The following TMEM45B variants were observed in gnomAD, a reference collection of about 807,000 sequenced individuals.
The protein encoded by TMEM45B is transmembrane protein 45B.
In TMEM45B, 29 loss-of-function variants were observed where a neutral mutation model predicts 27.3. That is an observed-to-expected ratio of 1.06 (90% CI 0.79 to 1.45). The LOEUF is 1.45. TMEM45B is among the 40% of genes most tolerant of loss of function. The pLI is 0.00. For missense variants in TMEM45B, 348 were observed against 343.9 expected, an observed-to-expected ratio of 1.01 and a Z score of -0.09; for synonymous variants, 143 against 134.7, an observed-to-expected ratio of 1.06 and a Z score of -0.43.
intron 1 of TMEM45B, among the ~76,000 whole-genome samples, chr11:129,847,404 G>GTTATTTT (rs1947774673): frequency 6.8e-6 from 1 of 147,868 alleles, no homozygotes; most frequent in Admixed American, 6.7e-5. Context: ...AGCTTATGAA[G>GTTATTTT]TTATTTTTTT....
At chr11:129,827,590 G>A (rs1947500699) in intron 1 of TMEM45B, among the ~76,000 whole-genome samples, 1 of 152,068 alleles carries the variant, frequency 6.6e-6, no homozygotes, top group Admixed American at 6.6e-5. Context: ...GATCACGTGA[G>A]GTCGGGAGTT....
At chr11:129,851,640 C>T (rs1227863066) in intron 1 of TMEM45B, among the ~76,000 whole-genome samples, 1 of 151,470 alleles carries the variant, frequency 6.6e-6, no homozygotes, top group Non-Finnish European at 1.5e-5. Flanking sequence ...TCACCAACAA[C>T]TGGTATTTTT....
chr11:129,845,338 TGTGTGTG>T (rs1286024685), intron 1 of TMEM45B, among the ~76,000 whole-genome samples: 21 of 34,978 alleles, frequency 6.0e-4, no homozygotes, highest in African/African-American at 1.1e-3. Flanking sequence ...CTATTATAGA[TGTGTGTG>T]TGTGTGTGTG....
rs145339290 is a variant in TMEM45B, at chr11:129,852,560, G to A, written c.78G>A (p.Pro26=). ...GGCTGTGTTGGTCAGTGAAGTACCC[G>A]CTGAAGTACTTTAGCCACACGCGGA... ...IIGLCWSVKY[P]LKYFSHTRKN... The change falls in exon 2 of 6, where the codon CCG becomes CCA. Residue 26 remains proline, a synonymous_variant. Transcript: ENST00000281441. The A allele has an allele frequency of 2.6e-4, 423 of 1,613,784 alleles. No homozygotes were observed. The highest frequency in any genetic ancestry group is 3.3e-4 in the Non-Finnish European group (386 of 1,179,860).
At chr11:129,823,300 G>T (rs1341624749) in intron 1 of TMEM45B, among the ~76,000 whole-genome samples, 1 of 152,162 alleles carries the variant, frequency 6.6e-6, no homozygotes, top group African/African-American at 2.4e-5. Context: ...GAAAGTTTTA[G>T]ATCACGTGAA....
chr11:129,857,498 T>G (rs1947947556), intron 5 of TMEM45B, 40 bp downstream of exon 5: 2 of 1,610,766 alleles, frequency 1.2e-6, no homozygotes, highest in Admixed American at 1.7e-5. Context: ...CTCCTAACTC[T>G]AAGCAGGACT....
chr11:129,858,589 G>T lies in TMEM45B; in HGVS notation c.732G>T (p.Met244Ile). ...YSLVYCLLTR[M>I]KRHGRGEIIG... ...TCTATTAAAGCCTTTTGACTCGGAT[G>T]AAGAGACACGGAAGGGGAGAAATCA... Residue 244 changes from methionine (M) to isoleucine (I), a missense_variant, in exon 6 of 6, where the codon ATG becomes ATT. Met to Ile is a conservative substitution (Grantham distance 10). Coordinates refer to ENST00000281441, the MANE Select transcript of TMEM45B (RefSeq NM_138788.5). The T allele has an allele frequency of 6.3e-7, 1 of 1,586,246 alleles. No individual in the cohort carries two copies. The highest frequency in any genetic ancestry group is 8.6e-7 in the Non-Finnish European group (1 of 1,165,146).
Position 129,854,596 on chromosome 11 carries a change from T to C in TMEM45B, c.179-14T>C, listed in dbSNP as rs371055050. On this transcript the variant is annotated splice_polypyrimidine_tract_variant and intron_variant, in intron 2 of 5. Coordinates refer to ENST00000281441, the MANE Select transcript of TMEM45B (RefSeq NM_138788.5). ...ACTCTTCCCTCTAAAACATCCATCC[T>C]CATTTCCCTGCAGGGATCCTGGCAG... The C allele has an allele frequency of 1.9e-6, 3 of 1,613,498 alleles. No individual in the cohort carries two copies. In the African/African-American group the frequency reaches 4.0e-5, roughly 22 times the overall value.
chr11:129,840,946 TAAAAAAAAAAAA>T (rs55905045), intron 1 of TMEM45B, among the ~76,000 whole-genome samples: 1 of 29,260 alleles, frequency 3.4e-5, no homozygotes, highest in Non-Finnish European at 6.9e-5. Flanking sequence ...TTTCTTTCTG[TAAAAAAAAAAAA>T]AAAAAAAAAA....
rs968437933 is a variant in TMEM45B at position 129,852,479 on chromosome 11, C to T, written c.-4C>T. ...AGCCTTCCCCTAATTTTTTAGGTGT[C>T]CTGATGGCAAATTTCAAGGGCCACG... is the stretch of plus-strand genomic sequence containing the variant. On this transcript the variant is annotated 5_prime_UTR_variant, in exon 2 of 6. Transcript: ENST00000281441. 16 of 1,588,084 alleles carry T rather than the reference C, an allele frequency of 1.0e-5. No individual in the cohort carries two copies. In the East Asian group the frequency reaches 2.0e-4, roughly 20 times the overall value.
intron 1 of TMEM45B, among the ~76,000 whole-genome samples, chr11:129,829,272 T>C (rs1947521380): frequency 1.3e-5 from 2 of 152,220 alleles, no homozygotes; most frequent in African/African-American, 2.4e-5. Context: ...ATGTAGGAAA[T>C]AGAATGTACT....
chr11:129,858,427 TAAG>T (rs780208694), intron 5 of TMEM45B, 144 bp from the exon 6 acceptor site: 32 of 526,756 alleles, frequency 6.1e-5, no homozygotes, highest in Non-Finnish European at 9.0e-5. Context: ...GAATATTTCC[TAAG>T]AAGTCTAGTT....
At chr11:129,823,492 A>G (rs1254929459) in intron 1 of TMEM45B, among the ~76,000 whole-genome samples, 4 of 152,134 alleles carry the variant, frequency 2.6e-5, no homozygotes, top group Non-Finnish European at 4.4e-5. Context: ...CTGCAACTCC[A>G]TCTCCCAGAA....
At chr11:129,818,384 A>G (rs1947377663) in intron 1 of TMEM45B, among the ~76,000 whole-genome samples, 1 of 152,256 alleles carries the variant, frequency 6.6e-6, no homozygotes, top group African/African-American at 2.4e-5. Flanking sequence ...GGACTTAGAT[A>G]TCATAAGCCA....
chr11:129,851,738 C>T (rs1158333258), intron 1 of TMEM45B, among the ~76,000 whole-genome samples: 1 of 152,064 alleles, frequency 6.6e-6, no homozygotes, highest in East Asian at 1.9e-4. Flanking sequence ...GCTATAGTTT[C>T]ATGCTACTGC....
chr11:129,817,350 C>T (rs904465679), intron 1 of TMEM45B, among the ~76,000 whole-genome samples: 1 of 152,150 alleles, frequency 6.6e-6, no homozygotes, highest in African/African-American at 2.4e-5. Context: ...AGACTTAGCT[C>T]TTTGTGACAG....
intron 1 of TMEM45B, among the ~76,000 whole-genome samples, chr11:129,850,046 G>A (rs985791146): frequency 3.9e-5 from 6 of 151,908 alleles, no homozygotes; most frequent in Non-Finnish European, 7.4e-5. Flanking sequence ...CTACACACAC[G>A]TTTTTCTCTT....
chr11:129,829,639 A>C (rs1947525273), intron 1 of TMEM45B, among the ~76,000 whole-genome samples: 1 of 152,170 alleles, frequency 6.6e-6, no homozygotes, highest in South Asian at 2.1e-4. Context: ...AACTCTGCCC[A>C]CACTACCTGA....
Position 129,827,593 on chromosome 11 carries a change from C to T in TMEM45B, c.-9+11695C>T, listed in dbSNP as rs546201290. Among the ~76,000 whole-genome samples the T allele has an allele frequency of 7.2e-5, 11 of 152,196 alleles. No homozygotes were observed. In the East Asian group the frequency reaches 1.5e-3, roughly 21 times the overall value. On this transcript the variant is annotated intron_variant, in intron 1 of 5. Transcript: ENST00000281441. ...CGGAGGCAGGCAGATCACGTGAGGT[C>T]GGGAGTTTGAGACCAGCCTGACCAA...
Sources: gnomAD v4.1 joint callset for allele counts (sites outside exome capture counted in the v4.1 genomes callset) on GRCh38, gnomAD v4.1.1 for gene constraint, MANE v1.5 for transcripts, NCBI Gene and HGNC (gene_info 2026-07-23, HGNC 2026-07-21) for gene names.